Variants in PCDH11X observed in about 807,000 individuals in gnomAD.
PCDH11X encodes the protein protocadherin 11 X-linked, also known as protocadherin-11 X-linked.
A neutral mutation model predicts 53.3 loss-of-function variants in PCDH11X; 18 were observed. That is an observed-to-expected ratio of 0.34 (90% confidence interval 0.23 to 0.50). PCDH11X has a LOEUF of 0.50. PCDH11X is among the 20% of genes least tolerant of loss of function. The probability of loss-of-function intolerance (pLI) is 0.98; values close to 1 mark genes in which losing one functional copy is unlikely to be tolerated. For missense variants in PCDH11X, 570 were observed against 1,032.4 expected, an observed-to-expected ratio of 0.55 and a Z score of 6.14; for synonymous variants, 279 against 393.3, an observed-to-expected ratio of 0.71 and a Z score of 3.44.
intron 8 of PCDH11X, among the ~76,000 whole-genome samples, chrX:92,295,959 T>A (rs2068599459): frequency 9.1e-6 from 1 of 109,564 alleles, no homozygotes; most frequent in Admixed American, 9.8e-5. Context: ...GGCATACACA[T>A]GTAGTCTAAG....
At chrX:92,389,399 T>A (rs1756404643) in intron 9 of PCDH11X, among the ~76,000 whole-genome samples, 1 of 111,719 alleles carries the variant, frequency 9.0e-6, no homozygotes, top group Non-Finnish European at 1.9e-5. Context: ...CATAAATCAT[T>A]GTTTTAGTTG....
chrX:92,258,238 A>G lies in PCDH11X; in HGVS notation c.3115-4876A>G, dbSNP rs778981516. 5.4e-5 allele frequency among the ~76,000 whole-genome samples: 6 copies of G among 111,191 alleles called. No individual in the cohort carries two copies. In the South Asian group the frequency reaches 2.3e-3, roughly 42 times the overall value. On this transcript the variant is annotated intron_variant, in intron 7 of 10. Transcript: ENST00000682573. ...GGTCCTCAGCACAGCCCACTAAACC[A>G]TTCTGTTCTCCTAGGCCTCTGGGCC...
At chrX:92,267,884 T>C (rs533926131) in intron 8 of PCDH11X, among the ~76,000 whole-genome samples, 1 of 112,109 alleles carries the variant, frequency 8.9e-6, no homozygotes, top group African/African-American at 3.2e-5. Context: ...CAAGAGTGTG[T>C]GTATCAGCTT....
intron 10 of PCDH11X, among the ~76,000 whole-genome samples, chrX:92,575,942 T>TACACACACACAC (rs1163516940): frequency 1.7e-4 from 4 of 23,459 alleles, no homozygotes; most frequent in South Asian, 2.7e-3. Context: ...TATATATATA[T>TACACACACACAC]ATACACACAC....
chrX:91,807,958 A>G (rs1936173835), intron 1 of PCDH11X, among the ~76,000 whole-genome samples: 1 of 106,689 alleles, frequency 9.4e-6, no homozygotes, highest in Non-Finnish European at 1.9e-5. Context: ...AAAGGCAGAG[A>G]TATAACCCTA....
At chrX:92,206,192 A>G (rs1302779805) in intron 7 of PCDH11X, among the ~76,000 whole-genome samples, 1 of 111,908 alleles carries the variant, frequency 8.9e-6, no homozygotes, top group African/African-American at 3.2e-5. Context: ...CAGGCAAAGT[A>G]TGTACGGATA....
At chrX:92,100,927 G>C (rs1242384592) in intron 6 of PCDH11X, among the ~76,000 whole-genome samples, 2 of 110,957 alleles carry the variant, frequency 1.8e-5, no homozygotes, top group African/African-American at 6.6e-5. Flanking sequence ...AGAATGATTG[G>C]TGATGGCCTG....
At chrX:92,051,605 T>A (rs2063367899) in intron 6 of PCDH11X, among the ~76,000 whole-genome samples, 1 of 111,621 alleles carries the variant, frequency 9.0e-6, no homozygotes, top group Admixed American at 9.6e-5. Flanking sequence ...TACATTCCTT[T>A]ATCTTTGTAC....
intron 6 of PCDH11X, among the ~76,000 whole-genome samples, chrX:91,954,159 C>T (rs764997000): frequency 3.6e-5 from 4 of 109,692 alleles, no homozygotes; most frequent in African/African-American, 1.3e-4. Context: ...TTTTCCCCCA[C>T]GTGTCCATAA....
At chrX:92,594,523 GATTGTTATGTT>G (rs1464997211) in intron 10 of PCDH11X, among the ~76,000 whole-genome samples, 1 of 108,347 alleles carries the variant, frequency 9.2e-6, no homozygotes, top group Non-Finnish European at 1.9e-5. Flanking sequence ...TAATAATTAT[GATTGTTATGTT>G]ATTATGTGCC....
intron 8 of PCDH11X, among the ~76,000 whole-genome samples, chrX:92,284,183 A>G (rs2068310255): frequency 9.0e-6 from 1 of 110,557 alleles, no homozygotes; most frequent in Non-Finnish European, 1.9e-5. Flanking sequence ...AAATTTAGTG[A>G]CCAATATAAA....
intron 6 of PCDH11X, among the ~76,000 whole-genome samples, chrX:92,004,156 A>G (rs2062557699): frequency 8.9e-6 from 1 of 111,747 alleles, no homozygotes; most frequent in Non-Finnish European, 1.9e-5. Context: ...GTCATTCAGC[A>G]GCATATTGTT....
At chrX:92,473,265 A>G (rs1005614144) in intron 10 of PCDH11X, among the ~76,000 whole-genome samples, 3 of 109,293 alleles carry the variant, frequency 2.7e-5, no homozygotes, top group African/African-American at 1.0e-4. Context: ...AATAATGGCC[A>G]TTAATCATCT....
chrX:92,469,463 G>T (rs1367820424), intron 10 of PCDH11X, among the ~76,000 whole-genome samples: 2 of 111,380 alleles, frequency 1.8e-5, no homozygotes, highest in Non-Finnish European at 3.8e-5. Flanking sequence ...TGCTCAAAGA[G>T]TTTTTGCACA....
chrX:92,487,764 G>T (rs1235938003), intron 10 of PCDH11X, among the ~76,000 whole-genome samples: 1 of 110,405 alleles, frequency 9.1e-6, no homozygotes, highest in African/African-American at 3.3e-5. Flanking sequence ...AAATAAGAGG[G>T]GTATTTAGAA....
intron 8 of PCDH11X, among the ~76,000 whole-genome samples, chrX:92,320,694 G>T (rs981426988): frequency 1.8e-5 from 2 of 111,277 alleles, no homozygotes; most frequent in Non-Finnish European, 3.8e-5. Flanking sequence ...TTTAGAAAAG[G>T]AGAGGAAGAT....
intron 10 of PCDH11X, among the ~76,000 whole-genome samples, chrX:92,485,472 A>G (rs1220497471): frequency 9.0e-6 from 1 of 111,637 alleles, no homozygotes; most frequent in South Asian, 3.7e-4. Context: ...GTCTGAAAGG[A>G]CATGCAATCT....
intron 6 of PCDH11X, among the ~76,000 whole-genome samples, chrX:91,994,892 T>G (rs1233308594): frequency 1.8e-5 from 2 of 111,396 alleles, no homozygotes. Context: ...ATTTCCCTAA[T>G]GATTAGTGAT....
Position 91,878,686 on chromosome X carries a change from G to T in PCDH11X, c.2446G>T (p.Ala816Ser), listed in dbSNP as rs1916288925. ...PTSDYVKILVAAVAGTITVVV... is the reference protein window; with the variant it reads ...PTSDYVKILVSAVAGTITVVV... ...TAGTGACTATGTCAAGATCCTGGTT[G>T]CAGCTGTTGCTGGCACCATAACTGT... The change falls in exon 6 of 11, where the codon GCA (alanine) becomes TCA (serine). Residue 816 changes from alanine to serine, a missense_variant. By Grantham distance (99) the Ala-to-Ser change is moderately conservative (BLOSUM62 1). This residue lies in a region of PCDH11X where 226 missense variants were observed against 457.5 expected (regional missense o/e 0.49). Coordinates refer to ENST00000682573, the MANE Select transcript of PCDH11X (RefSeq NM_032968.5). 2 of 1,210,414 alleles carry T rather than the reference G, an allele frequency of 1.7e-6. No individual in the cohort carries two copies. Among genetic ancestry groups the T allele is most frequent in the Non-Finnish European group, 2.2e-6 (2 of 895,052 alleles).
Sources: gnomAD v4.1 joint callset for allele counts (sites outside exome capture counted in the v4.1 genomes callset) on GRCh38, gnomAD v4.1.1 for gene constraint, gnomAD v4.1.1 regional missense constraint, MANE v1.5 for transcripts, NCBI Gene and HGNC (gene_info 2026-07-23, HGNC 2026-07-21) for gene names.